EPHA7: variants seen among roughly 807,000 people sequenced by gnomAD.
The protein encoded by EPHA7 is ephrin type-A receptor 7.
In EPHA7, 25 loss-of-function variants were observed where a neutral mutation model predicts 112.6. That is an observed-to-expected ratio of 0.22 (90% confidence interval 0.16 to 0.31). EPHA7 has a LOEUF of 0.31. Among genes scored for constraint, EPHA7 ranks in the 10% least tolerant of loss-of-function variants. The pLI is 1.00. For missense variants in EPHA7, 962 were observed against 1,212.6 expected (o/e 0.79, Z 3.07); for synonymous variants, 437 against 406.5 (o/e 1.07, Z -0.90).
At chr6:93,261,157 G>A (rs1001210875) in intron 9 of EPHA7, among the ~76,000 whole-genome samples, 4 of 151,504 alleles carry the variant, frequency 2.6e-5, no homozygotes, top group African/African-American at 9.7e-5. Context: ...AGAAATGGTA[G>A]GAGGAAACAA....
At chr6:93,266,687 C>G (rs1240288674) in intron 7 of EPHA7, among the ~76,000 whole-genome samples, 1 of 151,648 alleles carries the variant, frequency 6.6e-6, no homozygotes, top group African/African-American at 2.4e-5. Flanking sequence ...TTCTTTTAGG[C>G]TGCATCTTAC....
intron 3 of EPHA7, among the ~76,000 whole-genome samples, chr6:93,369,795 C>T (rs780376847): frequency 2.0e-5 from 3 of 152,122 alleles, no homozygotes; most frequent in Non-Finnish European, 2.9e-5. Context: ...ATTGAATGGA[C>T]GAATGAAGGA....
intron 5 of EPHA7, among the ~76,000 whole-genome samples, chr6:93,350,299 G>T (rs1218182807): frequency 2.0e-5 from 3 of 151,866 alleles, no homozygotes; most frequent in Non-Finnish European, 2.9e-5. Context: ...AAACCAATCT[G>T]CAATTTCTCG....
At chr6:93,332,757 C>T (rs776565392) in intron 5 of EPHA7, among the ~76,000 whole-genome samples, 3 of 151,498 alleles carry the variant, frequency 2.0e-5, no homozygotes, top group Non-Finnish European at 4.4e-5. Flanking sequence ...TGATCAACAT[C>T]GTGATATGGC....
chr6:93,245,177 T>C (rs1166639272), intron 16 of EPHA7, 121 bp downstream of exon 16: 3 of 927,286 alleles, frequency 3.2e-6, no homozygotes, highest in Non-Finnish European at 4.7e-6. Flanking sequence ...GTTAAAGAAG[T>C]ATTTTTTTTA....
At chr6:93,331,028 T>A (rs909754509) in intron 5 of EPHA7, among the ~76,000 whole-genome samples, 1 of 151,408 alleles carries the variant, frequency 6.6e-6, no homozygotes, top group Non-Finnish European at 1.5e-5. Flanking sequence ...CTGTTTAGGT[T>A]CACAGTCAAG....
At chr6:93,272,073 T>C (rs951846404) in intron 6 of EPHA7, among the ~76,000 whole-genome samples, 1 of 151,840 alleles carries the variant, frequency 6.6e-6, no homozygotes, top group African/African-American at 2.4e-5. Flanking sequence ...ATGCTACAAA[T>C]GGGATACTTT....
intron 3 of EPHA7, among the ~76,000 whole-genome samples, chr6:93,373,628 T>G (rs1336900763): frequency 6.6e-6 from 1 of 152,090 alleles, no homozygotes; most frequent in African/African-American, 2.4e-5. Flanking sequence ...TGAGACAGTT[T>G]AATTAGAGAG....
intron 10 of EPHA7, 70 bp from the exon 11 acceptor site, chr6:93,258,354 G>T: frequency 1.5e-6 from 2 of 1,348,772 alleles, no homozygotes; most frequent in Non-Finnish European, 2.0e-6. Context: ...GAGTAAATGC[G>T]TTGAATTATT....
chr6:93,320,047 T>C (rs1168322335), intron 5 of EPHA7, among the ~76,000 whole-genome samples: 1 of 151,970 alleles, frequency 6.6e-6, no homozygotes, highest in Non-Finnish European at 1.5e-5. Context: ...TAAGAAAGTA[T>C]GATAGATAAT....
chr6:93,277,651 G>A (rs1452505893), intron 5 of EPHA7, among the ~76,000 whole-genome samples: 2 of 151,704 alleles, frequency 1.3e-5, no homozygotes, highest in Admixed American at 1.3e-4. Flanking sequence ...TGAAAAAATC[G>A]GTGGAAGAGA....
intron 1 of EPHA7, 128 bp downstream of exon 1, chr6:93,419,117 G>T: frequency 1.5e-6 from 1 of 657,360 alleles, no homozygotes; most frequent in Non-Finnish European, 2.3e-6. Context: ...GTGAGGGGGC[G>T]GGGAGCCGGC....
intron 5 of EPHA7, among the ~76,000 whole-genome samples, chr6:93,311,114 A>ATTTTTTTTTTTTTTTTTTTTTTTTTT (rs71542009): frequency 3.8e-5 from 3 of 78,510 alleles, no homozygotes; most frequent in Non-Finnish European, 7.0e-5. Flanking sequence ...ATGCCCAGCT[A>ATTTTTTTTTTTTTTTTTTTTTTTTTT]TTTTTTTTTT....
At chr6:93,257,595 A>G (rs1435664223) in intron 11 of EPHA7, 72 bp from the exon 12 acceptor site, 3 of 933,350 alleles carry the variant, frequency 3.2e-6, no homozygotes, top group Non-Finnish European at 3.4e-6. Context: ...TCATCCCCCA[A>G]TAAAACACAT....
In EPHA7 at chr6:93,349,496, C is replaced by T. The variant is rs574762757; in HGVS notation, c.1324+7221G>A. Reference sequence around the variant, plus strand: ...TATTCGATTGATTCTCTGCTGCAGACGGCATAGGTGTACATATGAATGTAT... The same window carrying T: ...TATTCGATTGATTCTCTGCTGCAGATGGCATAGGTGTACATATGAATGTAT... On this transcript the variant is annotated intron_variant, in intron 5 of 16. Transcript: ENST00000369303. Among the ~76,000 whole-genome samples the T allele has an allele frequency of 1.4e-4, 21 of 151,934 alleles. No homozygotes were observed. The South Asian group carries it at 2.3e-3, about 16-fold the overall frequency.
intron 5 of EPHA7, among the ~76,000 whole-genome samples, chr6:93,302,435 A>G (rs573173844): frequency 1.1e-4 from 17 of 152,078 alleles, no homozygotes; most frequent in African/African-American, 4.1e-4. Flanking sequence ...CCTAGACCTC[A>G]TCATTACTCT....
At position 93,289,705 on chromosome 6, in the gene EPHA7, A is replaced by G. The variant is rs575413667; in HGVS notation, c.1325-17283T>C. On this transcript the variant is annotated intron_variant, in intron 5 of 16. Coordinates refer to ENST00000369303, the MANE Select transcript of EPHA7 (RefSeq NM_004440.4). The stretch of plus-strand genomic sequence containing the variant: ...AATCTTAAGGTTTACCTTATTTTAA[A>G]CAAATATTCCAAATGCAACCAAGTT... Among the ~76,000 whole-genome samples, 9 of 152,344 alleles carry G rather than the reference A, an allele frequency of 5.9e-5. No homozygotes were observed. The South Asian group carries it at 1.9e-3, about 32-fold the overall frequency.
At chr6:93,251,783 A>G (rs1007099026) in intron 14 of EPHA7, among the ~76,000 whole-genome samples, 1 of 152,020 alleles carries the variant, frequency 6.6e-6, no homozygotes, top group Non-Finnish European at 1.5e-5. Context: ...CTACATTTAC[A>G]TACATGAAGA....
At chr6:93,380,590 A>G (rs1777289024) in intron 3 of EPHA7, among the ~76,000 whole-genome samples, 1 of 152,150 alleles carries the variant, frequency 6.6e-6, no homozygotes, top group Non-Finnish European at 1.5e-5. Flanking sequence ...TAGAGCTGCT[A>G]AAAACAGGCA....
Sources: allele counts gnomAD v4.1 joint callset (sites outside exome capture counted in the v4.1 genomes callset), GRCh38; gene constraint gnomAD v4.1.1; transcripts MANE v1.5; gene names NCBI Gene and HGNC (gene_info 2026-07-23, HGNC 2026-07-21).